Variants in GALNT17 observed in about 807,000 individuals in gnomAD.
GALNT17 encodes the protein UDP-GalNAc:polypeptide N-acetylgalactosaminyltransferase-like 3.
GALNT17 carries 29 observed loss-of-function variants against 63.7 expected under a neutral mutation model. The observed-to-expected ratio is 0.46, with a 90% CI of 0.34 to 0.62. The LOEUF is 0.62. Ranked by LOEUF, GALNT17 falls within the 20% of genes least tolerant of loss-of-function variation. GALNT17 has a pLI of 0.01. For synonymous variants in GALNT17, 305 were observed against 318.3 expected, an observed-to-expected ratio of 0.96 and a Z score of 0.45; for missense variants, 603 against 799.6, an observed-to-expected ratio of 0.75 and a Z score of 2.97.
chr7:71,367,439 A>G (rs1359208863), intron 2 of GALNT17, among the ~76,000 whole-genome samples: 3 of 152,188 alleles, frequency 2.0e-5, no homozygotes, highest in African/African-American at 7.2e-5. Flanking sequence ...ACACATCATA[A>G]TGACAGCCGA....
chr7:71,132,595 C>G lies in GALNT17; in HGVS notation c.-208C>G, dbSNP rs1787701449. 3.6e-6 allele frequency: 2 copies of G among 560,518 alleles called. No individual in the cohort carries two copies. Among genetic ancestry groups the G allele is most frequent in the Non-Finnish European group, 6.3e-6 (2 of 318,240 alleles). The allele number at this position is 560,518 out of a possible 1,614,324, so 34.7% of individuals were successfully genotyped here. A position where few individuals can be genotyped will look rare whatever the true frequency, so the allele number is the denominator to read the frequency against. On this transcript the variant is annotated 5_prime_UTR_variant, in exon 1 of 11. Transcript: ENST00000333538. ...GGGGAGCACTTCTGCAGAGCGAGGA[C>G]TTCCATGTGAGCGATTCCGTTCTCC...
At chr7:71,482,077 G>GTA (rs747352627) in intron 5 of GALNT17, among the ~76,000 whole-genome samples, 2 of 140,330 alleles carry the variant, frequency 1.4e-5, no homozygotes, top group Non-Finnish European at 3.0e-5. Flanking sequence ...ATACATATAT[G>GTA]TATATGTGTG....
chr7:71,444,634 C>A (rs1787127152), intron 5 of GALNT17, among the ~76,000 whole-genome samples: 1 of 152,066 alleles, frequency 6.6e-6, no homozygotes, highest in Non-Finnish European at 1.5e-5. Context: ...TTAGGAGTTC[C>A]AGACCAACCT....
chr7:71,301,792 G>T (rs1367548432), intron 1 of GALNT17, among the ~76,000 whole-genome samples: 1 of 152,178 alleles, frequency 6.6e-6, no homozygotes, highest in Non-Finnish European at 1.5e-5. Flanking sequence ...TAATGTAAAG[G>T]ATAGGTAAAT....
At chr7:71,271,113 A>G (rs1364515723) in intron 1 of GALNT17, among the ~76,000 whole-genome samples, 2 of 152,250 alleles carry the variant, frequency 1.3e-5, no homozygotes, top group East Asian at 3.8e-4. Flanking sequence ...AAGCATTTAA[A>G]GACTTGCTCA....
intron 6 of GALNT17, among the ~76,000 whole-genome samples, chr7:71,578,423 T>C (rs957805171): frequency 6.6e-6 from 1 of 152,146 alleles, no homozygotes; most frequent in African/African-American, 2.4e-5. Context: ...AGCCTCCAAC[T>C]CCTAGAATCA....
rs187915835 is a variant in GALNT17, at chr7:71,652,746, T to C, written c.1081-12665T>C. On this transcript the variant is annotated intron_variant, in intron 6 of 10. Coordinates refer to ENST00000333538, the MANE Select transcript of GALNT17 (RefSeq NM_022479.3). Reference sequence around the variant, plus strand: ...AAATGGCTTCCTAAGTGAATTCCTTTTGGTAAAAAGAAGAATTCCTGTCAG... The same window carrying C: ...AAATGGCTTCCTAAGTGAATTCCTTCTGGTAAAAAGAAGAATTCCTGTCAG... 7.9e-3 allele frequency among the ~76,000 whole-genome samples: 1,205 copies of C among 152,250 alleles called. 12 individuals carry two copies. The highest frequency in any genetic ancestry group is 9.3e-3 in the Non-Finnish European group (632 of 68,014).
intron 1 of GALNT17, among the ~76,000 whole-genome samples, chr7:71,289,327 C>T (rs1048373067): frequency 5.3e-5 from 8 of 151,120 alleles, no homozygotes; most frequent in African/African-American, 1.9e-4. Flanking sequence ...TGTACATTTA[C>T]TGGATCATAC....
intron 1 of GALNT17, among the ~76,000 whole-genome samples, chr7:71,217,140 G>GTTTTTT (rs200574411): frequency 6.3e-5 from 6 of 95,212 alleles, no homozygotes; most frequent in Non-Finnish European, 1.0e-4. Flanking sequence ...ATTTTTTCGT[G>GTTTTTT]TTTTGTTTTT....
intron 6 of GALNT17, among the ~76,000 whole-genome samples, chr7:71,626,722 G>C (rs757663355): frequency 6.6e-6 from 1 of 152,142 alleles, no homozygotes; most frequent in Non-Finnish European, 1.5e-5. Flanking sequence ...GACACAATGG[G>C]CATCTTCAGG....
chr7:71,289,260 T>A (rs771203551), intron 1 of GALNT17, among the ~76,000 whole-genome samples: 1 of 151,994 alleles, frequency 6.6e-6, no homozygotes, highest in Non-Finnish European at 1.5e-5. Flanking sequence ...CAATCATTAT[T>A]GGGCATAATT....
intron 1 of GALNT17, chr7:71,300,226 T>G: frequency 3.6e-6 from 1 of 279,438 alleles, no homozygotes; most frequent in Non-Finnish European, 7.2e-6. Context: ...CCCTTGGGAG[T>G]TGGGACTCCT....
intron 1 of GALNT17, among the ~76,000 whole-genome samples, chr7:71,164,330 C>G (rs1788397996): frequency 6.6e-6 from 1 of 152,192 alleles, no homozygotes. Context: ...TACATGGAAG[C>G]AGGAGACAGA....
intron 5 of GALNT17, among the ~76,000 whole-genome samples, chr7:71,424,462 G>T (rs562215872): frequency 6.6e-6 from 1 of 152,298 alleles, no homozygotes; most frequent in Admixed American, 6.5e-5. Context: ...TTGTCTCTGG[G>T]TGTGTAAGGT....
At chr7:71,385,882 C>A (rs1441096511) in intron 2 of GALNT17, among the ~76,000 whole-genome samples, 1 of 152,150 alleles carries the variant, frequency 6.6e-6, no homozygotes, top group Non-Finnish European at 1.5e-5. Flanking sequence ...GCTTGGCCAA[C>A]ATGGTGAAAC....
chr7:71,699,290 C>G (rs192976606), intron 9 of GALNT17, among the ~76,000 whole-genome samples: 376 of 151,300 alleles, frequency 2.5e-3, no homozygotes, highest in African/African-American at 8.6e-3. Context: ...CCATTCTGGC[C>G]AACATGGTGA....
At chr7:71,401,387 A>G (rs1236250948) in intron 3 of GALNT17, among the ~76,000 whole-genome samples, 6 of 152,100 alleles carry the variant, frequency 3.9e-5, no homozygotes, top group Admixed American at 3.3e-4. Context: ...GTGAGCCACC[A>G]TGCCTGGCCC....
At chr7:71,291,843 T>C (rs1002274824) in intron 1 of GALNT17, among the ~76,000 whole-genome samples, 2 of 152,248 alleles carry the variant, frequency 1.3e-5, no homozygotes, top group African/African-American at 4.8e-5. Context: ...GTTTTAAATT[T>C]CTTGCATTTA....
At chr7:71,247,860 G>A (rs1325058602) in intron 1 of GALNT17, among the ~76,000 whole-genome samples, 3 of 152,294 alleles carry the variant, frequency 2.0e-5, no homozygotes, top group Non-Finnish European at 2.9e-5. Flanking sequence ...CAATAAAGGC[G>A]AGCTAGAGAA....
Sources: allele counts gnomAD v4.1 joint callset (sites outside exome capture counted in the v4.1 genomes callset), GRCh38; gene constraint gnomAD v4.1.1; transcripts MANE v1.5; gene names NCBI Gene and HGNC (gene_info 2026-07-23, HGNC 2026-07-21).